The following ZNF385D variants were observed in gnomAD, a reference collection of about 807,000 sequenced individuals.
ZNF385D encodes zinc finger protein 659.
In ZNF385D, 15 loss-of-function variants were observed where a neutral mutation model predicts 35.8. That is an observed-to-expected ratio of 0.42 (90% confidence interval 0.28 to 0.64). The LOEUF (loss-of-function observed/expected upper bound fraction) is 0.64, where lower values mean the gene tolerates loss of function less well. Ranked by LOEUF, ZNF385D falls within the 30% of genes least tolerant of loss-of-function variation. The pLI, the probability that ZNF385D is intolerant of heterozygous loss-of-function variation, is 0.23. For missense variants in ZNF385D, 474 were observed against 494.6 expected (o/e 0.96, Z 0.39); for synonymous variants, 212 against 186.8 (o/e 1.13, Z -1.10).
chr3:21,905,530 T>C lies in ZNF385D; in HGVS notation c.326-240502A>G, dbSNP rs184269330. Among the ~76,000 whole-genome samples the C allele has an allele frequency of 2.7e-3, 404 of 148,642 alleles. 3 individuals are homozygous for C. The highest frequency in any genetic ancestry group is 0.01 in the African/African-American group (383 of 38,194). On this transcript the variant is annotated intron_variant, in intron 3 of 5. Transcript: ENST00000494108. ...GGTTTGACCCAAGAAGCTAAACTCT[T>C]CAGAATCTGGAAGATAAAAAATGAA...
chr3:21,564,612 T>C lies in ZNF385D; in HGVS notation c.238A>G (p.Ile80Val), dbSNP rs2063075923. Reference sequence around the variant, plus strand: ...CTCAACTGGCAAATGTTGCATGATATGATTTGCTTTCTTCGGTGGGGAAGA... The same window carrying C: ...CTCAACTGGCAAATGTTGCATGATACGATTTGCTTTCTTCGGTGGGGAAGA... ...VPLPHRRKQI[I>V]SCNICQLRFN... Residue 80 changes from isoleucine to valine, a missense_variant, in exon 3 of 8, where the codon ATA (isoleucine) becomes GTA (valine). Coordinates refer to ENST00000281523, the MANE Select transcript of ZNF385D (RefSeq NM_024697.3). 6.4e-7 allele frequency: 1 copy of C among 1,570,544 alleles called. No homozygotes were observed. The highest frequency in any genetic ancestry group is 8.6e-7 in the Non-Finnish European group (1 of 1,157,536).
At chr3:22,166,956 C>T (rs1230308970) in intron 3 of ZNF385D, among the ~76,000 whole-genome samples, 1 of 152,168 alleles carries the variant, frequency 6.6e-6, no homozygotes, top group Non-Finnish European at 1.5e-5. Context: ...TAGAAGTTAA[C>T]AATAAGGAGT....
chr3:22,324,023 G>C lies in ZNF385D; in HGVS notation c.106+48427C>G, dbSNP rs118141685. Among the ~76,000 whole-genome samples the C allele has an allele frequency of 4.5e-3, 676 of 151,758 alleles. 12 individuals carry two copies. The highest frequency in any genetic ancestry group is 0.04 in the South Asian group (193 of 4,824). ...AACCTAATTAAGTGTTTTAACAGAA[G>C]GATTAAAAGATATCATGAAAGCTCC... On this transcript the variant is annotated intron_variant, in intron 2 of 5. Transcript: ENST00000494108.
intron 3 of ZNF385D, among the ~76,000 whole-genome samples, chr3:21,825,432 A>G (rs1234626583): frequency 2.0e-5 from 3 of 152,186 alleles, no homozygotes; most frequent in Non-Finnish European, 2.9e-5. Flanking sequence ...GCTTCAAAAA[A>G]CAGATTATAA....
intron 3 of ZNF385D, among the ~76,000 whole-genome samples, chr3:22,130,546 T>A (rs1703720706): frequency 6.6e-6 from 1 of 152,128 alleles, no homozygotes; most frequent in South Asian, 2.1e-4. Context: ...CCAAATCTGC[T>A]CCGTGTTGCT....
chr3:22,208,493 A>T (rs1181141733), intron 2 of ZNF385D, among the ~76,000 whole-genome samples: 2 of 151,800 alleles, frequency 1.3e-5, no homozygotes, highest in Non-Finnish European at 2.9e-5. Context: ...GTTAATGGGT[A>T]CAAAAAATAG....
At chr3:22,325,059 G>A (rs138129522) in intron 2 of ZNF385D, among the ~76,000 whole-genome samples, 367 of 152,260 alleles carry the variant, frequency 2.4e-3, no homozygotes, top group Admixed American at 3.4e-3. Context: ...TAATGAAAAT[G>A]CAAAGTACTT....
At chr3:22,354,357 T>C (rs1696054997) in intron 2 of ZNF385D, among the ~76,000 whole-genome samples, 1 of 152,174 alleles carries the variant, frequency 6.6e-6, no homozygotes, top group Non-Finnish European at 1.5e-5. Context: ...GCTCCACACT[T>C]AGTCTTGATA....
chr3:21,679,127 G>A (rs1489317631), intron 1 of ZNF385D, among the ~76,000 whole-genome samples: 1 of 151,628 alleles, frequency 6.6e-6, no homozygotes, highest in Non-Finnish European at 1.5e-5. Flanking sequence ...AAATTCCAGT[G>A]TTTTCATGTC....
At chr3:22,047,168 T>C (rs1419248939) in intron 3 of ZNF385D, among the ~76,000 whole-genome samples, 1 of 152,120 alleles carries the variant, frequency 6.6e-6, no homozygotes, top group East Asian at 1.9e-4. Context: ...TGTTCTGAAA[T>C]GTATACATTG....
rs374111572 is a variant in ZNF385D, at chr3:21,572,292, A to ATAAT, written c.166-7612_166-7609dup. Reference sequence around the variant, plus strand: ...TTGTACATCCTTGTACTTTTGATACATAATTTTATACAGTTGTAAGCATAA... The same window carrying ATAAT: ...TTGTACATCCTTGTACTTTTGATACATAATTAATTTTATACAGTTGTAAGCATAA... On this transcript the variant is annotated intron_variant, in intron 2 of 7. Transcript: ENST00000281523. Among the ~76,000 whole-genome samples, 824 of 152,340 alleles carry ATAAT rather than the reference A, an allele frequency of 5.4e-3. 8 individuals carry two copies. Among genetic ancestry groups the ATAAT allele is most frequent in the African/African-American group, 0.018 (769 of 41,570 alleles).
chr3:21,620,476 C>T (rs1246701311), intron 2 of ZNF385D, among the ~76,000 whole-genome samples: 1 of 152,070 alleles, frequency 6.6e-6, no homozygotes, highest in African/African-American at 2.4e-5. Context: ...GAATAAAGCA[C>T]CATTTTATAC....
chr3:22,282,591 G>A (rs1162733517), intron 2 of ZNF385D, among the ~76,000 whole-genome samples: 1 of 152,010 alleles, frequency 6.6e-6, no homozygotes. Context: ...TGTGGTCTGA[G>A]AGAGTATTTG....
At chr3:22,106,057 T>A (rs1255803971) in intron 3 of ZNF385D, among the ~76,000 whole-genome samples, 1 of 152,138 alleles carries the variant, frequency 6.6e-6, no homozygotes, top group Non-Finnish European at 1.5e-5. Context: ...ATTGATAGGA[T>A]AAATCACCCC....
At chr3:22,319,598 C>G (rs1323613542) in intron 2 of ZNF385D, among the ~76,000 whole-genome samples, 1 of 152,082 alleles carries the variant, frequency 6.6e-6, no homozygotes, top group Non-Finnish European at 1.5e-5. Flanking sequence ...TAGCAGGGTC[C>G]ACAGATTTCC....
Position 22,111,360 on chromosome 3 carries a change from T to C in ZNF385D, c.325+57457A>G, listed in dbSNP as rs190870463. On this transcript the variant is annotated intron_variant, in intron 3 of 5. Coordinates refer to the ZNF385D transcript ENST00000494108. ...TGTATGAGAGCTTCAATTTAGTAAG[T>C]TCAAGCAGATGCTAGCAGAGCAGTA... 7.4e-3 allele frequency among the ~76,000 whole-genome samples: 1,123 copies of C among 151,894 alleles called. 17 individuals carry two copies. The highest frequency in any genetic ancestry group is 0.025 in the African/African-American group (1,026 of 41,428).
intron 3 of ZNF385D, among the ~76,000 whole-genome samples, chr3:21,515,292 T>C (rs750082364): frequency 1.3e-5 from 2 of 152,204 alleles, no homozygotes; most frequent in African/African-American, 2.4e-5. Context: ...TTTTATTCCA[T>C]TAGCACCAAT....
intron 3 of ZNF385D, among the ~76,000 whole-genome samples, chr3:21,990,046 A>G (rs372589378): frequency 4.6e-5 from 7 of 152,368 alleles, no homozygotes; most frequent in African/African-American, 1.4e-4. Context: ...TTTAAAAGGT[A>G]CATTTTACCC....
At chr3:21,801,395 G>C (rs760258690) in intron 3 of ZNF385D, among the ~76,000 whole-genome samples, 95 of 152,286 alleles carry the variant, frequency 6.2e-4, no homozygotes, top group Admixed American at 1.6e-3. Context: ...GGGAAGATAA[G>C]TGTTAATTAT....
Sources: gnomAD v4.1 joint callset for allele counts (sites outside exome capture counted in the v4.1 genomes callset) on GRCh38, gnomAD v4.1.1 for gene constraint, MANE v1.5 for transcripts, NCBI Gene and HGNC (gene_info 2026-07-23, HGNC 2026-07-21) for gene names.